PRSS23: variants seen among roughly 807,000 people sequenced by gnomAD.
PRSS23 encodes serine protease 23, also known as protease, serine 23.
In PRSS23, 25 loss-of-function variants were observed where a neutral mutation model predicts 34.7. That is an observed-to-expected ratio of 0.72 (90% CI 0.53 to 1.01). The LOEUF (loss-of-function observed/expected upper bound fraction) is 1.01, where lower values mean the gene tolerates loss of function less well. Ranked by LOEUF, PRSS23 falls within the 50% of genes least tolerant of loss-of-function variation. The pLI, the probability that PRSS23 is intolerant of heterozygous loss-of-function variation, is 0.00. For synonymous variants in PRSS23, 176 were observed against 186.6 expected (o/e 0.94, Z 0.46); for missense variants, 445 against 475.6 (o/e 0.94, Z 0.60).
intron 2 of PRSS23, among the ~76,000 whole-genome samples, chr11:86,879,690 C>T (rs1334415613): frequency 1.5e-5 from 2 of 136,578 alleles, no homozygotes; most frequent in South Asian, 2.4e-4. Flanking sequence ...GTCAGCCCCC[C>T]ACCCGGCCAG....
chr11:86,826,026 G>A (rs568345497), intron 2 of PRSS23, among the ~76,000 whole-genome samples: 2 of 152,250 alleles, frequency 1.3e-5, no homozygotes, highest in South Asian at 4.2e-4. Context: ...GAAAGTCATT[G>A]GTAGCTTGAT....
At chr11:86,852,447 C>G (rs1948537244) in intron 2 of PRSS23, among the ~76,000 whole-genome samples, 1 of 152,160 alleles carries the variant, frequency 6.6e-6, no homozygotes, top group African/African-American at 2.4e-5. Flanking sequence ...GGGGCTCTTC[C>G]TCTAATCAGG....
Position 86,807,630 on chromosome 11 carries a change from G to A in PRSS23, c.-13-1G>A, listed in dbSNP as rs1461418242. On this transcript the variant is annotated splice_acceptor_variant, in intron 1 of 1. Coordinates refer to ENST00000280258, the MANE Select transcript of PRSS23 (RefSeq NM_007173.6). LOFTEE classifies it low-confidence loss of function (5UTR_SPLICE). ...TGACCTGCTTGTCTTTGTTTCTACA[G>A]AACAGTGCTCGGCATGGCAGGGATT... The A allele has an allele frequency of 1.0e-5, 16 of 1,596,792 alleles. No homozygotes were observed. Among genetic ancestry groups the A allele is most frequent in the Non-Finnish European group, 1.4e-5 (16 of 1,170,300 alleles).
chr11:86,918,646 T>C (rs776804890), intron 2 of PRSS23, among the ~76,000 whole-genome samples: 6 of 152,238 alleles, frequency 3.9e-5, no homozygotes, highest in Non-Finnish European at 8.8e-5. Context: ...CTGTGAGAGC[T>C]GAGATTAGTG....
intron 2 of PRSS23, among the ~76,000 whole-genome samples, chr11:86,859,451 C>T (rs1180161505): frequency 6.6e-6 from 1 of 151,844 alleles, no homozygotes; most frequent in East Asian, 1.9e-4. Context: ...ATATTACTCC[C>T]AATATCGTAG....
At chr11:86,931,822 G>C (rs1375542010) in intron 2 of PRSS23, among the ~76,000 whole-genome samples, 2 of 121,350 alleles carry the variant, frequency 1.6e-5, no homozygotes, top group Non-Finnish European at 3.7e-5. Context: ...TTTATTAACT[G>C]TACTTCAATT....
At chr11:86,824,964 G>A (rs1049132319) in intron 2 of PRSS23, among the ~76,000 whole-genome samples, 1 of 152,106 alleles carries the variant, frequency 6.6e-6, no homozygotes, top group African/African-American at 2.4e-5. Context: ...CTTTATAGCA[G>A]CATGATTTAT....
intron 1 of PRSS23, among the ~76,000 whole-genome samples, chr11:86,818,050 C>CA (rs1322545478): frequency 6.6e-6 from 1 of 152,152 alleles, no homozygotes; most frequent in African/African-American, 2.4e-5. Flanking sequence ...AAATTCAGAA[C>CA]AAGAGTTGTT....
At position 86,855,131 on chromosome 11, in the gene PRSS23, A is replaced by C. The variant is rs369279064; in HGVS notation, c.206+31538A>C. On this transcript the variant is annotated intron_variant, in intron 2 of 2. Coordinates refer to the PRSS23 transcript ENST00000533902. Reference sequence around the variant, plus strand: ...TGGTGAGCTGAGATCACACCATTGCACTCCAGCATAGGCAACAAGAGCAAA... The same window carrying C: ...TGGTGAGCTGAGATCACACCATTGCCCTCCAGCATAGGCAACAAGAGCAAA... Among the ~76,000 whole-genome samples the C allele has an allele frequency of 1.8e-4, 28 of 151,716 alleles. No homozygotes were observed. In the South Asian group the frequency reaches 5.6e-3, roughly 31 times the overall value.
In PRSS23 at chr11:86,808,402, A is replaced by G. The variant is rs1381010839; in HGVS notation, c.759A>G (p.Lys253=). Reference sequence around the variant, plus strand: ...ATGATTATGCCCTCCTGGAACTCAAAAAGCCCCACAAGAGAAAATTTATGA... The same window carrying G: ...ATGATTATGCCCTCCTGGAACTCAAGAAGCCCCACAAGAGAAAATTTATGA... ...MDYDYALLEL[K]KPHKRKFMKI... Residue 253 remains lysine, a synonymous_variant, in exon 2 of 2, where the codon AAA becomes AAG. Transcript: ENST00000280258. The G allele has an allele frequency of 5.0e-6, 8 of 1,614,086 alleles. No homozygotes were observed. Among genetic ancestry groups the G allele is most frequent in the Non-Finnish European group, 2.5e-6 (3 of 1,180,052 alleles).
chr11:86,845,662 G>A (rs1488513234), intron 2 of PRSS23, among the ~76,000 whole-genome samples: 1 of 152,134 alleles, frequency 6.6e-6, no homozygotes, highest in Admixed American at 6.5e-5. Context: ...GAAGATATAT[G>A]CTTAAAATAT....
At chr11:86,845,103 A>G (rs775284891) in intron 2 of PRSS23, among the ~76,000 whole-genome samples, 3 of 152,110 alleles carry the variant, frequency 2.0e-5, no homozygotes, top group Non-Finnish European at 4.4e-5. Flanking sequence ...AAAAAAAAAA[A>G]AAGAATTAAG....
At chr11:86,823,440 C>A in exon 2 of PRSS23, 4 of 702,398 alleles carry the variant, frequency 5.7e-6, no homozygotes, top group Non-Finnish European at 1.0e-5. Flanking sequence ...CATGCCCCCA[C>A]AACTGTGAAG....
intron 2 of PRSS23, among the ~76,000 whole-genome samples, chr11:86,853,418 T>A (rs1233534672): frequency 1.3e-5 from 2 of 151,148 alleles, no homozygotes; most frequent in Non-Finnish European, 3.0e-5. Flanking sequence ...CATGCCTGGC[T>A]AATTTTTTGT....
In PRSS23 at chr11:86,891,804, G is replaced by A. The variant is rs189749928; in HGVS notation, c.207-59412G>A. Among the ~76,000 whole-genome samples, 352 of 152,154 alleles carry A rather than the reference G, an allele frequency of 2.3e-3. 2 individuals carry two copies. Among genetic ancestry groups the A allele is most frequent in the Admixed American group, 0.013 (204 of 15,278 alleles). ...CTTGTGCTAGTGAGTGAGTTCTCAC[G>A]AGATCTGATGGTTTTCTAAGTGTTT... On this transcript the variant is annotated intron_variant, in intron 2 of 2. Transcript: ENST00000533902.
At chr11:86,830,541 T>G (rs1399064514) in intron 2 of PRSS23, among the ~76,000 whole-genome samples, 1 of 152,182 alleles carries the variant, frequency 6.6e-6, no homozygotes, top group Non-Finnish European at 1.5e-5. Flanking sequence ...GAGGTGAACC[T>G]GGTACCTCAG....
chr11:86,806,415 T>G (rs1948102000), intron 1 of PRSS23, among the ~76,000 whole-genome samples: 1 of 152,222 alleles, frequency 6.6e-6, no homozygotes, highest in South Asian at 2.1e-4. Flanking sequence ...AGGGTAAATT[T>G]AAATTACATA....
chr11:86,855,698 G>A (rs1948564942), intron 2 of PRSS23, among the ~76,000 whole-genome samples: 1 of 152,198 alleles, frequency 6.6e-6, no homozygotes, highest in African/African-American at 2.4e-5. Context: ...GTTTCACCAT[G>A]TTGGCCAGTC....
chr11:86,926,192 G>A (rs908152622), intron 2 of PRSS23, among the ~76,000 whole-genome samples: 2 of 152,024 alleles, frequency 1.3e-5, no homozygotes, highest in African/African-American at 2.4e-5. Context: ...GTGAAACCCC[G>A]TCTCCACTAA....
Sources: allele counts gnomAD v4.1 joint callset (sites outside exome capture counted in the v4.1 genomes callset), GRCh38; gene constraint gnomAD v4.1.1; transcripts MANE v1.5; gene names NCBI Gene and HGNC (gene_info 2026-07-23, HGNC 2026-07-21).